GIPC2: variants seen among roughly 807,000 people sequenced by gnomAD.
The protein encoded by GIPC2 is GIPC PDZ domain containing family member 2, also known as PDZ domain-containing protein GIPC2.
GIPC2 carries 30 observed loss-of-function variants against 30.6 expected under a neutral mutation model. The ratio of observed to expected loss-of-function variants is 0.98; its 90% CI spans 0.73 to 1.33. The LOEUF (loss-of-function observed/expected upper bound fraction) is 1.33, where lower values mean the gene tolerates loss of function less well. Ranked by LOEUF, GIPC2 falls within the 40% of genes most tolerant of loss-of-function variation. GIPC2 has a pLI of 0.00. For missense variants in GIPC2, 414 were observed against 390.3 expected (o/e 1.06, Z -0.51); for synonymous variants, 167 against 150.0 (o/e 1.11, Z -0.83).
At chr1:78,073,079 G>C (rs1661653286) in intron 1 of GIPC2, among the ~76,000 whole-genome samples, 1 of 150,534 alleles carries the variant, frequency 6.6e-6, no homozygotes, top group South Asian at 2.1e-4. Flanking sequence ...AAAGTGTTAG[G>C]ATCACAGGCA....
chr1:78,077,165 T>C (rs1661732180), intron 1 of GIPC2, among the ~76,000 whole-genome samples: 1 of 152,164 alleles, frequency 6.6e-6, no homozygotes, highest in African/African-American at 2.4e-5. Flanking sequence ...ATGTAGCTGG[T>C]TCTTCCAAAT....
At chr1:78,067,898 A>T (rs1215855081) in intron 1 of GIPC2, among the ~76,000 whole-genome samples, 1 of 152,216 alleles carries the variant, frequency 6.6e-6, no homozygotes, top group Non-Finnish European at 1.5e-5. Flanking sequence ...ATTCTGTTAT[A>T]GTAACTAACC....
At chr1:78,091,850 G>T in intron 2 of GIPC2, 1 of 778,964 alleles carries the variant, frequency 1.3e-6, no homozygotes, top group South Asian at 1.3e-5. Context: ...GAAGGAGAAA[G>T]ATGTAAGAAT....
intron 3 of GIPC2, among the ~76,000 whole-genome samples, chr1:78,116,651 C>T (rs1662573296): frequency 6.6e-6 from 1 of 152,110 alleles, no homozygotes; most frequent in African/African-American, 2.4e-5. Context: ...TGATGGTTTC[C>T]AGCTTCATCC....
intron 3 of GIPC2, among the ~76,000 whole-genome samples, chr1:78,108,616 C>G (rs369126857): frequency 6.6e-6 from 1 of 151,974 alleles, no homozygotes; most frequent in Admixed American, 6.6e-5. Flanking sequence ...TTTTTTAAAG[C>G]CTATTCTAAA....
chr1:78,047,397 AAG>A (rs1237607882), intron 1 of GIPC2, among the ~76,000 whole-genome samples: 39 of 152,232 alleles, frequency 2.6e-4, no homozygotes, highest in African/African-American at 7.7e-4. Context: ...GAGGAGACGA[AAG>A]AGAGCTTAAA....
intron 1 of GIPC2, among the ~76,000 whole-genome samples, chr1:78,071,656 C>T (rs904181800): frequency 2.6e-5 from 4 of 151,438 alleles, no homozygotes; most frequent in African/African-American, 4.9e-5. Flanking sequence ...CAGGCTGTCT[C>T]GAACTCCTGA....
chr1:78,098,428 A>G (rs1297331806), intron 3 of GIPC2, among the ~76,000 whole-genome samples: 2 of 152,218 alleles, frequency 1.3e-5, no homozygotes, highest in Non-Finnish European at 2.9e-5. Context: ...CTATACTTCT[A>G]GGAAGATTTT....
intron 3 of GIPC2, among the ~76,000 whole-genome samples, chr1:78,098,465 T>G (rs1179308016): frequency 6.6e-6 from 1 of 152,244 alleles, no homozygotes; most frequent in Non-Finnish European, 1.5e-5. Flanking sequence ...ATTTTTAATT[T>G]ATCTATCTCA....
At chr1:78,100,940 ATACACACACACACACACAC>A (rs1222186415) in intron 3 of GIPC2, among the ~76,000 whole-genome samples, 1 of 113,484 alleles carries the variant, frequency 8.8e-6, no homozygotes, top group African/African-American at 3.4e-5. Flanking sequence ...AAAAAAAAAA[ATACACACACACACACACAC>A]ACACACACAC....
At chr1:78,091,123 C>G (rs1225967068) in intron 2 of GIPC2, among the ~76,000 whole-genome samples, 1 of 152,070 alleles carries the variant, frequency 6.6e-6, no homozygotes, top group Non-Finnish European at 1.5e-5. Flanking sequence ...CTGTTTAAGA[C>G]CTAATTCTGT....
At chr1:78,091,391 T>G in intron 2 of GIPC2, 1 of 522,734 alleles carries the variant, frequency 1.9e-6, no homozygotes, top group East Asian at 3.5e-5. Context: ...GTGCTTAAGA[T>G]TTTAGGGAGA....
intron 3 of GIPC2, among the ~76,000 whole-genome samples, chr1:78,112,940 A>T (rs1319260542): frequency 1.3e-5 from 2 of 152,210 alleles, no homozygotes; most frequent in Non-Finnish European, 2.9e-5. Flanking sequence ...GGTGATGGGT[A>T]CACGAAAAGC....
At chr1:78,087,079 G>A (rs961457407) in intron 2 of GIPC2, among the ~76,000 whole-genome samples, 1 of 152,038 alleles carries the variant, frequency 6.6e-6, no homozygotes, top group Non-Finnish European at 1.5e-5. Context: ...ACAGTGCTCA[G>A]AGAAATTAGA....
chr1:78,105,434 G>A lies in GIPC2; in HGVS notation c.607+10302G>A, dbSNP rs375036067. The stretch of plus-strand genomic sequence containing the variant: ...CCTGAGTAGCTGGGACTACAGACAC[G>A]CACCACCACGTCCAGCTAATTTTTT... On this transcript the variant is annotated intron_variant, in intron 3 of 5. Coordinates refer to ENST00000370759, the MANE Select transcript of GIPC2 (RefSeq NM_017655.6). 2.1e-3 allele frequency among the ~76,000 whole-genome samples: 312 copies of A among 151,700 alleles called. 4 individuals are homozygous for A. Among genetic ancestry groups the A allele is most frequent in the African/African-American group, 6.7e-3 (278 of 41,322 alleles).
At chr1:78,079,629 C>T (rs758669492) in intron 1 of GIPC2, among the ~76,000 whole-genome samples, 36 of 152,116 alleles carry the variant, frequency 2.4e-4, no homozygotes, top group South Asian at 1.2e-3. Flanking sequence ...TTAGTGATTT[C>T]GGCATGAAAC....
intron 1 of GIPC2, among the ~76,000 whole-genome samples, chr1:78,050,717 C>G (rs144350299): frequency 0.012 from 1,849 of 151,902 alleles, 35 homozygotes; most frequent in African/African-American, 0.043. Flanking sequence ...TCACTACAAG[C>G]TCCGCCTCCT....
chr1:78,117,394 T>C (rs1662588786), intron 3 of GIPC2, among the ~76,000 whole-genome samples: 1 of 152,176 alleles, frequency 6.6e-6, no homozygotes, highest in Non-Finnish European at 1.5e-5. Context: ...ACTGGTTTCA[T>C]GGAAGACAAT....
intron 1 of GIPC2, among the ~76,000 whole-genome samples, chr1:78,054,328 TG>T (rs1242800975): frequency 6.6e-6 from 1 of 152,216 alleles, no homozygotes; most frequent in Non-Finnish European, 1.5e-5. Flanking sequence ...GTTAGCTAGA[TG>T]GTTTAGCTGC....
Sources: allele counts gnomAD v4.1 joint callset (sites outside exome capture counted in the v4.1 genomes callset), GRCh38; gene constraint gnomAD v4.1.1; transcripts MANE v1.5; gene names NCBI Gene and HGNC (gene_info 2026-07-23, HGNC 2026-07-21).